SCAPER: variants seen among roughly 807,000 people sequenced by gnomAD.
SCAPER encodes S phase cyclin A-associated protein in the endoplasmic reticulum.
A neutral mutation model predicts 182.2 loss-of-function variants in SCAPER; 98 were observed. The observed-to-expected ratio is 0.54, with a 90% confidence interval of 0.46 to 0.64. SCAPER has a LOEUF of 0.64. Ranked by LOEUF, SCAPER falls within the 30% of genes least tolerant of loss-of-function variation. SCAPER has a pLI of 0.00. For synonymous variants in SCAPER, 605 were observed against 564.6 expected (o/e 1.07, Z -1.01); for missense variants, 1,432 against 1,690.0 (o/e 0.85, Z 2.68).
At chr15:76,644,512 T>C (rs992249022) in intron 21 of SCAPER, among the ~76,000 whole-genome samples, 9 of 151,880 alleles carry the variant, frequency 5.9e-5, no homozygotes, top group Non-Finnish European at 1.2e-4. Context: ...TTTACAAATG[T>C]AAAAACCTAA....
intron 4 of SCAPER, among the ~76,000 whole-genome samples, chr15:76,854,304 A>G (rs2151845675): frequency 6.6e-6 from 1 of 152,136 alleles, no homozygotes; most frequent in East Asian, 1.9e-4. Flanking sequence ...TAGCATTCTT[A>G]TACACAACAA....
Position 76,765,420 on chromosome 15 carries a change from C to G in SCAPER, c.1530G>C (p.Gly510=). The G allele has an allele frequency of 6.2e-7, 1 of 1,613,874 alleles. No individual in the cohort carries two copies. The highest frequency in any genetic ancestry group is 8.5e-7 in the Non-Finnish European group (1 of 1,179,834). The stretch of plus-strand genomic sequence containing the variant: ...TAGCAGGTTCTTCTTCTACAATGTC[C>G]CCCCAGGATGTATTTTGGCGCCAAG... ...RESWRQNTSW[G]DIVEEEPARP... Residue 510 remains glycine, a synonymous_variant, in exon 13 of 32, where the codon GGG becomes GGC. Coordinates refer to ENST00000563290, the MANE Select transcript of SCAPER (RefSeq NM_020843.4).
rs185827368 is a variant in SCAPER at position 76,404,556 on chromosome 15, T to C, written c.3435A>G (p.Ala1145=). The C allele has an allele frequency of 9.9e-6, 16 of 1,613,294 alleles. No homozygotes were observed. In the Admixed American group the frequency reaches 2.3e-4, roughly 24 times the overall value. ...FLQHAAGLLH[A]MCTLCFAVTG... Reference sequence around the variant, plus strand: ...TGACAGCAAAGCACAGTGTACACATTGCATGTAAGAGTCCTGCGGCATGCT... The same window carrying C: ...TGACAGCAAAGCACAGTGTACACATCGCATGTAAGAGTCCTGCGGCATGCT... Residue 1145 remains alanine, a synonymous_variant, in exon 27 of 32, where the codon GCA becomes GCG. Transcript: ENST00000563290.
At position 76,349,075 on chromosome 15, in the gene SCAPER, T is replaced by A. The variant is rs1186041333; in HGVS notation, c.4100-339A>T. 4.3e-5 allele frequency: 7 copies of A among 162,808 alleles called. No individual in the cohort carries two copies. The Admixed American group carries it at 4.3e-4, about 10-fold the overall frequency. 10.1% of individuals were successfully genotyped at this position (162,808 alleles called of 1,614,324 possible). A position where few individuals can be genotyped will look rare whatever the true frequency, so the allele number is the denominator to read the frequency against. ...AGTGGTGCGCGCCTGTAGTCCCAGC[T>A]ATTTGGAAGGCTGAAGTCGGGGGAA... On this transcript the variant is annotated intron_variant, in intron 31 of 31. Transcript: ENST00000563290.
chr15:76,771,959 C>T lies in SCAPER; in HGVS notation c.1036-5G>A. 6.3e-6 allele frequency: 10 copies of T among 1,595,296 alleles called. No homozygotes were observed. The highest frequency in any genetic ancestry group is 1.1e-5 in the South Asian group (1 of 90,146). ...ATCCAATGTACTCACTGTGAACTAACAAAACGTAGAGAATGAATCAGAGAT... is the reference window on the plus strand; with the variant it reads ...ATCCAATGTACTCACTGTGAACTAATAAAACGTAGAGAATGAATCAGAGAT... On this transcript the variant is annotated splice_polypyrimidine_tract_variant and splice_region_variant and intron_variant, in intron 9 of 31. Coordinates refer to ENST00000563290, the MANE Select transcript of SCAPER (RefSeq NM_020843.4).
At chr15:76,564,246 C>T (rs562904043) in intron 23 of SCAPER, among the ~76,000 whole-genome samples, 5 of 152,058 alleles carry the variant, frequency 3.3e-5, no homozygotes, top group African/African-American at 7.2e-5. Context: ...GCAGATGACA[C>T]GATCCTATAT....
intron 25 of SCAPER, among the ~76,000 whole-genome samples, chr15:76,443,764 C>T (rs919840796): frequency 1.3e-5 from 2 of 152,200 alleles, no homozygotes; most frequent in South Asian, 4.1e-4. Flanking sequence ...GACAAGAGCA[C>T]AGCTTTCAAT....
At chr15:76,660,396 T>A (rs965205471) in intron 21 of SCAPER, among the ~76,000 whole-genome samples, 17 of 152,204 alleles carry the variant, frequency 1.1e-4, no homozygotes, top group African/African-American at 3.9e-4. Context: ...AAAATAAAAA[T>A]TTAAAACAAT....
chr15:76,717,528 G>A (rs1210936253), intron 17 of SCAPER, among the ~76,000 whole-genome samples: 3 of 152,030 alleles, frequency 2.0e-5, no homozygotes, highest in East Asian at 1.9e-4. Context: ...CATCAAAAAC[G>A]TAACTTGTGG....
chr15:76,820,761 AG>A (rs774767273), intron 5 of SCAPER, among the ~76,000 whole-genome samples: 135 of 152,070 alleles, frequency 8.9e-4, no homozygotes, highest in Admixed American at 2.7e-3. Context: ...TTTTTAAAAA[AG>A]AAAAAAAAAA....
intron 25 of SCAPER, among the ~76,000 whole-genome samples, chr15:76,454,587 T>C (rs1227217905): frequency 6.6e-6 from 1 of 152,200 alleles, no homozygotes; most frequent in Non-Finnish European, 1.5e-5. Flanking sequence ...TCACACTTTG[T>C]AAAAATATCT....
At chr15:76,512,135 G>A (rs901907820) in intron 23 of SCAPER, among the ~76,000 whole-genome samples, 5 of 151,552 alleles carry the variant, frequency 3.3e-5, no homozygotes, top group South Asian at 4.2e-4. Flanking sequence ...TGATCCACCC[G>A]CCTCGGCCTC....
chr15:76,650,872 C>G (rs12438540), intron 21 of SCAPER, among the ~76,000 whole-genome samples: 57,991 of 151,920 alleles, frequency 0.38, 13,068 homozygotes, highest in Middle Eastern at 0.52. Context: ...AAAAAGATAT[C>G]TGGAAAGTTC....
intron 21 of SCAPER, among the ~76,000 whole-genome samples, chr15:76,660,014 G>A (rs1403079567): frequency 6.6e-6 from 1 of 152,168 alleles, no homozygotes; most frequent in Non-Finnish European, 1.5e-5. Context: ...TGGGAGAGTG[G>A]ACAAAGAAAA....
chr15:76,712,811 T>C (rs1346230507), intron 17 of SCAPER, among the ~76,000 whole-genome samples: 1 of 151,852 alleles, frequency 6.6e-6, no homozygotes, highest in Non-Finnish European at 1.5e-5. Flanking sequence ...TTTGCTGAAG[T>C]TGCTTATCAG....
chr15:76,577,573 A>T (rs1597472116), intron 22 of SCAPER, among the ~76,000 whole-genome samples: 1 of 152,152 alleles, frequency 6.6e-6, no homozygotes, highest in African/African-American at 2.4e-5. Context: ...TAGCTCCTGG[A>T]TGGTATTTTT....
At chr15:76,850,825 A>AT (rs1238227776) in intron 4 of SCAPER, among the ~76,000 whole-genome samples, 1 of 145,566 alleles carries the variant, frequency 6.9e-6, no homozygotes, top group Non-Finnish European at 1.5e-5. Context: ...GCGCCATTGT[A>AT]TTCCAGCCTG....
chr15:76,804,855 T>C (rs1428239273), intron 5 of SCAPER, among the ~76,000 whole-genome samples: 1 of 152,096 alleles, frequency 6.6e-6, no homozygotes, highest in Non-Finnish European at 1.5e-5. Context: ...TGATGTTCCT[T>C]CTCAAAACCT....
At chr15:76,613,980 A>T (rs1275731776) in intron 22 of SCAPER, among the ~76,000 whole-genome samples, 1 of 152,330 alleles carries the variant, frequency 6.6e-6, no homozygotes, top group Non-Finnish European at 1.5e-5. Context: ...ACAGTAACAA[A>T]GACATGGAAT....
Sources: gnomAD v4.1 joint callset for allele counts (sites outside exome capture counted in the v4.1 genomes callset) on GRCh38, gnomAD v4.1.1 for gene constraint, MANE v1.5 for transcripts, NCBI Gene and HGNC (gene_info 2026-07-23, HGNC 2026-07-21) for gene names.